Variants in MAST2 observed in about 807,000 individuals in gnomAD.
MAST2 encodes microtubule associated serine/threonine kinase 2.
Under a neutral mutation model 147.4 loss-of-function variants are expected in MAST2, and 70 were observed. The observed-to-expected ratio is 0.47, with a 90% CI of 0.39 to 0.58. MAST2 has a LOEUF of 0.58. MAST2 is among the 20% of genes least tolerant of loss of function. The pLI is 0.00. For missense variants in MAST2, 2,080 were observed against 2,302.3 expected (o/e 0.90, Z 1.98); for synonymous variants, 869 against 896.8 (o/e 0.97, Z 0.55).
rs1470117898 is a variant in MAST2 at position 46,035,040 on chromosome 1, G to T, written c.4371G>T (p.Val1457=). 1.2e-6 allele frequency: 2 copies of T among 1,613,964 alleles called. No individual in the cohort carries two copies. Among genetic ancestry groups the T allele is most frequent in the East Asian group, 4.5e-5 (2 of 44,878 alleles). The change falls in exon 29 of 29, where the codon GTG becomes GTT. Residue 1457 remains valine (V), a synonymous_variant. Transcript: ENST00000361297. This position sits in a 1 kb window ranked among gnomAD's most constrained non-coding sequence, Gnocchi z 5.5. ...SPLEVVGARS[V]LSGKGALPGK... is the part of the protein sequence containing the mutation. Reference sequence around the variant, plus strand: ...TGGAGGTAGTTGGAGCCAGGAGTGTGCTGTCTGGCAAGGGGGCCCTGCCAG... The same window carrying T: ...TGGAGGTAGTTGGAGCCAGGAGTGTTCTGTCTGGCAAGGGGGCCCTGCCAG...
intron 3 of MAST2, among the ~76,000 whole-genome samples, chr1:45,857,435 T>C (rs1477584952): frequency 2.0e-5 from 3 of 152,230 alleles, no homozygotes; most frequent in African/African-American, 7.2e-5. Context: ...TTTTACTTGA[T>C]TGATTGACTC....
intron 15 of MAST2, chr1:46,024,317 G>T: frequency 6.5e-6 from 2 of 308,890 alleles, no homozygotes; most frequent in South Asian, 3.6e-5. Context: ...GGTGCTAGGA[G>T]GTTTGCATCT....
intron 5 of MAST2, among the ~76,000 whole-genome samples, chr1:45,981,843 T>G (rs1247261131): frequency 7.2e-6 from 1 of 139,334 alleles, no homozygotes; most frequent in Non-Finnish European, 1.5e-5. Context: ...GTGGTAATTT[T>G]GGCTTTTTTT....
At chr1:45,948,243 A>T (rs920167843) in intron 4 of MAST2, among the ~76,000 whole-genome samples, 3 of 152,218 alleles carry the variant, frequency 2.0e-5, no homozygotes. Flanking sequence ...ACACTGCTCA[A>T]AGAAATCGGA....
intron 4 of MAST2, among the ~76,000 whole-genome samples, chr1:45,906,601 T>A: frequency 6.7e-6 from 1 of 148,332 alleles, no homozygotes; most frequent in Non-Finnish European, 1.5e-5. Context: ...TTGTATATAT[T>A]ATTGTTATTA....
intron 4 of MAST2, among the ~76,000 whole-genome samples, chr1:45,937,751 C>CAAAAAAAAAAAAAAAAAAAAAAAAAA (rs34830747): frequency 1.4e-5 from 1 of 73,222 alleles, no homozygotes; most frequent in African/African-American, 5.4e-5. Context: ...AACTCCATCT[C>CAAAAAAAAAAAAAAAAAAAAAAAAAA]AAAAAAAAAA....
chr1:45,923,408 G>A (rs1187941808), intron 4 of MAST2, among the ~76,000 whole-genome samples: 2 of 152,176 alleles, frequency 1.3e-5, no homozygotes, highest in Non-Finnish European at 2.9e-5. Context: ...ATATGCAATC[G>A]AGAATTTATT....
At chr1:45,850,640 G>A (rs947621705) in intron 3 of MAST2, among the ~76,000 whole-genome samples, 6 of 152,110 alleles carry the variant, frequency 3.9e-5, no homozygotes, top group Non-Finnish European at 7.4e-5. Context: ...TGTGGTGAAA[G>A]GTAGGGTTCC....
rs555080687 is a variant in MAST2, at chr1:45,917,989, A to G, written c.500+35594A>G. The stretch of plus-strand genomic sequence containing the variant: ...ATTCAACATTATTTGATTACGTACT[A>G]TCTGCTAGGACACTGTTTTGGGCAT... On this transcript the variant is annotated intron_variant, in intron 4 of 28. Coordinates refer to ENST00000361297, the MANE Select transcript of MAST2 (RefSeq NM_015112.3). Among the ~76,000 whole-genome samples the G allele has an allele frequency of 3.3e-3, 508 of 152,326 alleles. 1 individual carries two copies. The highest frequency in any genetic ancestry group is 6.4e-3 in the Non-Finnish European group (436 of 68,026).
At chr1:46,002,683 A>G (rs576487877) in intron 6 of MAST2, 122 bp from the exon 7 acceptor site, 2 of 779,088 alleles carry the variant, frequency 2.6e-6, no homozygotes, top group African/African-American at 1.7e-5. Flanking sequence ...CTGAGCAGTA[A>G]TGTCTTAAGG....
intron 1 of MAST2, among the ~76,000 whole-genome samples, chr1:45,815,173 T>G (rs1262819936): frequency 6.6e-6 from 1 of 151,974 alleles, no homozygotes; most frequent in Non-Finnish European, 1.5e-5. Context: ...AATATAGTTT[T>G]GTCAGATCTT....
intron 8 of MAST2, among the ~76,000 whole-genome samples, chr1:46,007,077 A>G (rs1482591356): frequency 2.0e-5 from 3 of 152,184 alleles, no homozygotes; most frequent in Admixed American, 6.5e-5. Flanking sequence ...TTAATTTTCG[A>G]TTCTCTTTGG....
At chr1:45,866,362 G>A (rs1646151066) in intron 3 of MAST2, among the ~76,000 whole-genome samples, 1 of 152,142 alleles carries the variant, frequency 6.6e-6, no homozygotes, top group South Asian at 2.1e-4. Context: ...ATTTTGAGTA[G>A]TATTTATTTA....
intron 4 of MAST2, among the ~76,000 whole-genome samples, chr1:45,890,820 G>A (rs1647646072): frequency 6.6e-6 from 1 of 152,050 alleles, no homozygotes; most frequent in African/African-American, 2.4e-5. Flanking sequence ...GGTATGGTCT[G>A]GCACAAGAAT....
Position 45,907,463 on chromosome 1 carries a change from C to CTTTT in MAST2, c.500+25081_500+25084dup, listed in dbSNP as rs59039717. Reference sequence around the variant, plus strand: ...TATATAACAAAATTTGCCATTTTAACTTTTTTTTTTTTTTTTGAGAGAGTC... The same window carrying CTTTT: ...TATATAACAAAATTTGCCATTTTAACTTTTTTTTTTTTTTTTTTTTGAGAGAGTC... On this transcript the variant is annotated intron_variant, in intron 4 of 28. Coordinates refer to ENST00000361297, the MANE Select transcript of MAST2 (RefSeq NM_015112.3). 2.2e-4 allele frequency among the ~76,000 whole-genome samples: 31 copies of CTTTT among 140,916 alleles called. No homozygotes were observed. The East Asian group carries it at 2.5e-3, about 11-fold the overall frequency. The allele number at this position is 140,916 out of a possible 152,430, so 92.4% of individuals were successfully genotyped here.
At chr1:45,870,045 T>G (rs2148155184) in intron 3 of MAST2, among the ~76,000 whole-genome samples, 1 of 152,322 alleles carries the variant, frequency 6.6e-6, no homozygotes, top group Admixed American at 6.5e-5. Context: ...AGCCTCAGCC[T>G]CCTGAGTAGT....
chr1:45,862,487 ATTT>A (rs67344347), intron 3 of MAST2, among the ~76,000 whole-genome samples: 5 of 136,232 alleles, frequency 3.7e-5, no homozygotes, highest in East Asian at 2.1e-4. Flanking sequence ...AGGACTGAAG[ATTT>A]TTTTTTTTTT....
intron 5 of MAST2, among the ~76,000 whole-genome samples, chr1:45,994,573 C>T (rs566808202): frequency 2.0e-5 from 3 of 152,044 alleles, no homozygotes; most frequent in Non-Finnish European, 2.9e-5. Flanking sequence ...GCTAGCACTC[C>T]CTGGTGCTAG....
At chr1:45,828,056 C>G (rs1644846204) in intron 2 of MAST2, among the ~76,000 whole-genome samples, 1 of 152,016 alleles carries the variant, frequency 6.6e-6, no homozygotes, top group South Asian at 2.1e-4. Context: ...GTCTTGAACT[C>G]CTGGGCTCAA....
Sources: allele counts gnomAD v4.1 joint callset (sites outside exome capture counted in the v4.1 genomes callset), GRCh38; gene constraint gnomAD v4.1.1; non-coding constraint Gnocchi (gnomAD v3.1); transcripts MANE v1.5; gene names NCBI Gene and HGNC (gene_info 2026-07-23, HGNC 2026-07-21).